ARHGAP21: variants seen among roughly 807,000 people sequenced by gnomAD.
The protein encoded by ARHGAP21 is Rho GTPase activating protein 21.
In ARHGAP21, 38 loss-of-function variants were observed where a neutral mutation model predicts 164.6. The ratio of observed to expected loss-of-function variants is 0.23; its 90% CI spans 0.18 to 0.30. The LOEUF is 0.30. Ranked by LOEUF, ARHGAP21 falls within the 10% of genes least tolerant of loss-of-function variation. The pLI, the probability that ARHGAP21 is intolerant of heterozygous loss-of-function variation, is 1.00. For synonymous variants in ARHGAP21, 766 were observed against 857.9 expected, an observed-to-expected ratio of 0.89 and a Z score of 1.87; for missense variants, 1,822 against 2,370.7, an observed-to-expected ratio of 0.77 and a Z score of 4.81.
At chr10:24,701,274 T>C (rs1843648304) in intron 2 of ARHGAP21, among the ~76,000 whole-genome samples, 1 of 152,200 alleles carries the variant, frequency 6.6e-6, no homozygotes, top group Non-Finnish European at 1.5e-5. Context: ...GAGGCCTCTT[T>C]GGTGTGGGTA....
intron 4 of ARHGAP21, among the ~76,000 whole-genome samples, chr10:24,653,372 A>C (rs566669459): frequency 7.9e-4 from 121 of 152,248 alleles, no homozygotes; most frequent in African/African-American, 2.8e-3. Context: ...CAGGAAATCG[A>C]GACCATCCTG....
chr10:24,654,266 G>A (rs181748645), intron 4 of ARHGAP21, among the ~76,000 whole-genome samples: 19 of 152,286 alleles, frequency 1.2e-4, no homozygotes, highest in African/African-American at 3.8e-4. Flanking sequence ...AGTGTTGGAC[G>A]TTCTGGCCAG....
At chr10:24,616,849 C>G (rs2131127505) in intron 9 of ARHGAP21, among the ~76,000 whole-genome samples, 1 of 152,202 alleles carries the variant, frequency 6.6e-6, no homozygotes, top group South Asian at 2.1e-4. Context: ...ATTTTCAGGA[C>G]TTACTATGCA....
intron 4 of ARHGAP21, among the ~76,000 whole-genome samples, chr10:24,656,107 C>A (rs1378882924): frequency 4.7e-5 from 7 of 148,074 alleles, no homozygotes; most frequent in Non-Finnish European, 1.0e-4. Context: ...GCAGCCACCC[C>A]ATCTGGGAAG....
chr10:24,692,553 C>G (rs1339129572), intron 2 of ARHGAP21, among the ~76,000 whole-genome samples: 1 of 152,132 alleles, frequency 6.6e-6, no homozygotes, highest in African/African-American at 2.4e-5. Flanking sequence ...ATGGATAGAC[C>G]AGACTCCATG....
At position 24,664,564 on chromosome 10, in the gene ARHGAP21, A is replaced by T. The variant is rs187623531; in HGVS notation, c.268+2421T>A. Among the ~76,000 whole-genome samples the T allele has an allele frequency of 9.5e-3, 1,410 of 149,120 alleles. 17 individuals carry two copies. The highest frequency in any genetic ancestry group is 0.028 in the Middle Eastern group (8 of 288). ...AGTGAGATTCCGTCTCAAAAAAAAAAAATAATAATAATAATAATAATAATA... is the reference window on the plus strand; with the variant it reads ...AGTGAGATTCCGTCTCAAAAAAAAATAATAATAATAATAATAATAATAATA... On this transcript the variant is annotated intron_variant, in intron 4 of 25. Coordinates refer to ENST00000396432, the MANE Select transcript of ARHGAP21 (RefSeq NM_020824.4).
chr10:24,628,664 T>C (rs1815134932), intron 7 of ARHGAP21, among the ~76,000 whole-genome samples: 1 of 151,582 alleles, frequency 6.6e-6, no homozygotes, highest in African/African-American at 2.4e-5. Context: ...ATCTGTTAGT[T>C]GTAAGTATGT....
At chr10:24,716,967 GCAGT>G (rs1159520439) in intron 2 of ARHGAP21, among the ~76,000 whole-genome samples, 2 of 152,218 alleles carry the variant, frequency 1.3e-5, no homozygotes, top group African/African-American at 4.8e-5. Context: ...GAGATTCTAG[GCAGT>G]CAGGTCAGTT....
chr10:24,588,594 CAAT>C (rs2076203602), intron 25 of ARHGAP21, among the ~76,000 whole-genome samples: 1 of 152,064 alleles, frequency 6.6e-6, no homozygotes, highest in African/African-American at 2.4e-5. Context: ...CAAAATATAA[CAAT>C]GTTTTAAGAA....
chr10:24,589,414 T>TCAAAA (rs2076240862), intron 24 of ARHGAP21, 112 bp from the exon 25 acceptor site: 2 of 947,932 alleles, frequency 2.1e-6, no homozygotes, highest in South Asian at 3.2e-5. Context: ...AAAGCAAAAC[T>TCAAAA]CAAAACAATA....
chr10:24,722,894 C>G (rs1477225578), intron 1 of ARHGAP21: 4 of 151,988 alleles, frequency 2.6e-5, no homozygotes, highest in African/African-American at 9.7e-5. Flanking sequence ...GCTCCCGCTC[C>G]AGGGCATGAT....
intron 2 of ARHGAP21, among the ~76,000 whole-genome samples, chr10:24,701,537 G>A (rs993428783): frequency 5.3e-5 from 8 of 152,128 alleles, no homozygotes; most frequent in African/African-American, 1.7e-4. Flanking sequence ...AGAAAGCAAA[G>A]CAGCAGGCTA....
At position 24,585,060 on chromosome 10, in the gene ARHGAP21, A is replaced by C; in HGVS notation, c.5229T>G (p.Thr1743=). 10 of 1,613,766 alleles carry C rather than the reference A, an allele frequency of 6.2e-6. No individual in the cohort carries two copies. Among genetic ancestry groups the C allele is most frequent in the South Asian group, 1.1e-5 (1 of 91,054 alleles). The change falls in exon 26 of 26, where the codon ACT becomes ACG. Residue 1743 remains threonine, a synonymous_variant. Transcript: ENST00000396432. ...CTCTGGTGGGTGTCAGTAAACTCCC[A>C]GTTGACTTTCCTTTTTTCATAACAT... is the stretch of plus-strand genomic sequence containing the variant. ...VFDVMKKGKS[T]GSLLTPTRGE...
intron 9 of ARHGAP21, among the ~76,000 whole-genome samples, chr10:24,608,822 A>G (rs2077138838): frequency 6.6e-6 from 1 of 152,158 alleles, no homozygotes; most frequent in South Asian, 2.1e-4. Flanking sequence ...CATTTTGAAA[A>G]TTTCTCTATG....
At chr10:24,623,721 A>G (rs1834806748) in intron 7 of ARHGAP21, among the ~76,000 whole-genome samples, 1 of 152,210 alleles carries the variant, frequency 6.6e-6, no homozygotes, top group Non-Finnish European at 1.5e-5. Context: ...GGAGGTCCCT[A>G]TGGTCAATGA....
Position 24,625,412 on chromosome 10 carries a change from T to A in ARHGAP21, c.496-2650A>T, listed in dbSNP as rs546091860. Among the ~76,000 whole-genome samples the A allele has an allele frequency of 1.7e-4, 26 of 151,828 alleles. No homozygotes were observed. In the East Asian group the frequency reaches 4.9e-3, roughly 28 times the overall value. ...ATTAATTTAATGCCTTTACCTATGA[T>A]AAAAGCAAGAGTAACTTCATGTTTG... On this transcript the variant is annotated intron_variant, in intron 7 of 25. Coordinates refer to ENST00000396432, the MANE Select transcript of ARHGAP21 (RefSeq NM_020824.4).
Position 24,683,657 on chromosome 10 carries a change from T to C in ARHGAP21, c.64-13260A>G, listed in dbSNP as rs570495043. Among the ~76,000 whole-genome samples, 383 of 152,186 alleles carry C rather than the reference T, an allele frequency of 2.5e-3. 4 individuals are homozygous for C. The highest frequency in any genetic ancestry group is 2.6e-3 in the Non-Finnish European group (177 of 68,008). ...ATAATGCCAGAAGATGGTTTGTTAATATAAATTGTAAAGGAATAACTCAGA... is the reference window on the plus strand; with the variant it reads ...ATAATGCCAGAAGATGGTTTGTTAACATAAATTGTAAAGGAATAACTCAGA... On this transcript the variant is annotated intron_variant, in intron 2 of 25. Transcript: ENST00000396432.
chr10:24,658,708 T>G (rs1839353116), intron 4 of ARHGAP21, among the ~76,000 whole-genome samples: 1 of 152,062 alleles, frequency 6.6e-6, no homozygotes, highest in South Asian at 2.1e-4. Context: ...GGCATAGCAT[T>G]AGGAGATATA....
intron 7 of ARHGAP21, chr10:24,628,916 C>CATATATATAT (rs71397961): frequency 3.0e-5 from 3 of 99,618 alleles, no homozygotes; most frequent in Admixed American, 1.3e-4. Context: ...CACATATATA[C>CATATATATAT]ACATATATAT....
Sources: gnomAD v4.1 joint callset for allele counts (sites outside exome capture counted in the v4.1 genomes callset) on GRCh38, gnomAD v4.1.1 for gene constraint, MANE v1.5 for transcripts, NCBI Gene and HGNC (gene_info 2026-07-23, HGNC 2026-07-21) for gene names.